The following SUMF1 variants were observed in gnomAD, a reference collection of about 807,000 sequenced individuals.
The protein encoded by SUMF1 is formylglycine-generating enzyme.
A neutral mutation model predicts 47.6 loss-of-function variants in SUMF1; 48 were observed. The observed-to-expected ratio is 1.01, with a 90% CI of 0.80 to 1.28. The LOEUF is 1.28. Among genes scored for constraint, SUMF1 ranks in the 50% most tolerant of loss-of-function variants. The pLI is 0.00. For synonymous variants in SUMF1, 230 were observed against 192.1 expected, an observed-to-expected ratio of 1.20 and a Z score of -1.63; for missense variants, 571 against 485.4, an observed-to-expected ratio of 1.18 and a Z score of -1.66.
At chr3:4,414,907 T>A (rs1372906168) in intron 6 of SUMF1, 1 of 152,206 alleles carries the variant, frequency 6.6e-6, no homozygotes, top group South Asian at 2.1e-4. Flanking sequence ...GGCCTTTTGT[T>A]AAAATGAACA....
intron 8 of SUMF1, among the ~76,000 whole-genome samples, chr3:4,353,727 G>A (rs1699558851): frequency 6.6e-6 from 1 of 152,086 alleles, no homozygotes; most frequent in Non-Finnish European, 1.5e-5. Flanking sequence ...GGGGCTGGAG[G>A]TCTCTGGGGT....
intron 3 of SUMF1, among the ~76,000 whole-genome samples, chr3:4,441,941 T>C (rs930374049): frequency 6.6e-6 from 1 of 151,930 alleles, no homozygotes; most frequent in African/African-American, 2.4e-5. Context: ...GCACAGCAAA[T>C]CCATGTGACA....
chr3:4,103,649 C>A (rs546694799), intron 8 of SUMF1, among the ~76,000 whole-genome samples: 6 of 152,132 alleles, frequency 3.9e-5, no homozygotes, highest in Non-Finnish European at 8.8e-5. Context: ...ATTTTCACCC[C>A]AATAGAAAAT....
chr3:4,216,321 G>GT, intron 8 of SUMF1, among the ~76,000 whole-genome samples: 1 of 152,268 alleles, frequency 6.6e-6, no homozygotes. Context: ...ATGGTGTTGG[G>GT]AAAATTGGCT....
intron 8 of SUMF1, among the ~76,000 whole-genome samples, chr3:4,171,752 G>C (rs1694837450): frequency 6.6e-6 from 1 of 152,098 alleles, no homozygotes; most frequent in African/African-American, 2.4e-5. Flanking sequence ...TGGAGTTGTA[G>C]GCTGGGAAGC....
At chr3:4,173,269 T>C (rs1277672108) in intron 8 of SUMF1, among the ~76,000 whole-genome samples, 1 of 152,176 alleles carries the variant, frequency 6.6e-6, no homozygotes, top group Non-Finnish European at 1.5e-5. Flanking sequence ...TGTAGCCTTG[T>C]AGTATAGTTT....
At chr3:4,431,416 G>A (rs1702228280) in intron 3 of SUMF1, among the ~76,000 whole-genome samples, 1 of 152,200 alleles carries the variant, frequency 6.6e-6, no homozygotes, top group African/African-American at 2.4e-5. Context: ...CAATCAGCAT[G>A]CATTCCCCTA....
chr3:4,338,305 T>C (rs535372166), intron 8 of SUMF1, among the ~76,000 whole-genome samples: 1 of 152,144 alleles, frequency 6.6e-6, no homozygotes, highest in Admixed American at 6.6e-5. Flanking sequence ...AAAGATACTT[T>C]AAAGTAATAT....
intron 8 of SUMF1, among the ~76,000 whole-genome samples, chr3:4,221,412 GGGGTGTGT>G (rs1216756499): frequency 1.0e-5 from 1 of 96,216 alleles, no homozygotes; most frequent in Non-Finnish European, 2.0e-5. Flanking sequence ...TTGGTTTTTT[GGGGTGTGT>G]GTGTGTGTGT....
intron 8 of SUMF1, among the ~76,000 whole-genome samples, chr3:4,261,295 C>G (rs562793524): frequency 6.6e-6 from 1 of 152,216 alleles, no homozygotes; most frequent in African/African-American, 2.4e-5. Context: ...CTTACTTGAA[C>G]AGTAACATTT....
At chr3:4,211,073 T>G (rs1415093757) in intron 8 of SUMF1, among the ~76,000 whole-genome samples, 1 of 141,416 alleles carries the variant, frequency 7.1e-6, no homozygotes, top group Non-Finnish European at 1.5e-5. Context: ...ACCGTGTGAT[T>G]GTGTGAGTTA....
chr3:4,224,164 G>T (rs918234221), intron 8 of SUMF1, among the ~76,000 whole-genome samples: 50 of 152,208 alleles, frequency 3.3e-4, no homozygotes, highest in African/African-American at 1.2e-3. Context: ...CCTATGAGCA[G>T]AGCCCAGTGG....
chr3:4,087,632 C>A (rs1054925058), intron 8 of SUMF1, among the ~76,000 whole-genome samples: 3 of 151,984 alleles, frequency 2.0e-5, no homozygotes, highest in Non-Finnish European at 4.4e-5. Flanking sequence ...TCATAGAAGA[C>A]AGTAGGAGAA....
At chr3:4,443,147 G>A (rs1428324717) in intron 3 of SUMF1, among the ~76,000 whole-genome samples, 3 of 151,896 alleles carry the variant, frequency 2.0e-5, no homozygotes, top group East Asian at 1.9e-4. Flanking sequence ...GCGTGGTGGC[G>A]GGCCCCTGTA....
intron 8 of SUMF1, among the ~76,000 whole-genome samples, chr3:4,073,097 T>A (rs1692320655): frequency 6.6e-6 from 1 of 152,204 alleles, no homozygotes; most frequent in Admixed American, 6.5e-5. Context: ...AACGTTGGGT[T>A]ACCCACAAAG....
intron 8 of SUMF1, among the ~76,000 whole-genome samples, chr3:4,247,830 CAAAAAGT>C (rs2125005099): frequency 6.6e-6 from 1 of 152,276 alleles, no homozygotes; most frequent in South Asian, 2.1e-4. Flanking sequence ...CGATGAAGTA[CAAAAAGT>C]GCTTGAAAAC....
chr3:4,463,576 T>A (rs1222086314), intron 1 of SUMF1, among the ~76,000 whole-genome samples: 2 of 152,096 alleles, frequency 1.3e-5, no homozygotes, highest in Non-Finnish European at 2.9e-5. Context: ...CAAAATAAGC[T>A]ATGGGAACTG....
chr3:4,335,960 CAAAAAAAAAAAA>C (rs770091674), intron 8 of SUMF1, among the ~76,000 whole-genome samples: 1 of 73,908 alleles, frequency 1.4e-5, no homozygotes, highest in Non-Finnish European at 2.3e-5. Context: ...GATTCCAACT[CAAAAAAAAAAAA>C]AAAAAAAACA....
At chr3:4,202,285 G>A (rs1330627902) in intron 8 of SUMF1, among the ~76,000 whole-genome samples, 1 of 151,800 alleles carries the variant, frequency 6.6e-6, no homozygotes, top group Non-Finnish European at 1.5e-5. Flanking sequence ...TTTGTATATG[G>A]CAACAGATAG....
Sources: allele counts gnomAD v4.1 joint callset (sites outside exome capture counted in the v4.1 genomes callset), GRCh38; gene constraint gnomAD v4.1.1; transcripts MANE v1.5; gene names NCBI Gene and HGNC (gene_info 2026-07-23, HGNC 2026-07-21).